Variants in EXT1 observed in about 807,000 individuals in gnomAD.
EXT1 encodes exostosin glycosyltransferase 1, also known as exostosin-1.
A neutral mutation model predicts 82.5 loss-of-function variants in EXT1; 20 were observed. That is an observed-to-expected ratio of 0.24 (90% confidence interval 0.17 to 0.35). EXT1 has a LOEUF of 0.35. EXT1 is among the 10% of genes least tolerant of loss of function. The pLI is 1.00. For synonymous variants in EXT1, 348 were observed against 350.8 expected (o/e 0.99, Z 0.09); for missense variants, 757 against 936.5 (o/e 0.81, Z 2.50).
intron 1 of EXT1, among the ~76,000 whole-genome samples, chr8:118,018,969 ATGAG>A (rs1816051152): frequency 6.6e-6 from 1 of 152,052 alleles, no homozygotes; most frequent in South Asian, 2.1e-4. Context: ...ACTCCTCTGA[ATGAG>A]TGTGTTTTAT....
chr8:118,075,895 A>C (rs1008654211), intron 1 of EXT1, among the ~76,000 whole-genome samples: 2 of 152,116 alleles, frequency 1.3e-5, no homozygotes, highest in East Asian at 3.9e-4. Flanking sequence ...ATCAGTCCAC[A>C]TGACCCAAAC....
intron 1 of EXT1, among the ~76,000 whole-genome samples, chr8:117,985,979 T>A (rs757965460): frequency 6.6e-6 from 1 of 152,226 alleles, no homozygotes; most frequent in Non-Finnish European, 1.5e-5. Context: ...TCACTGATTT[T>A]GGACTGGAGA....
chr8:117,872,577 T>C (rs1410612460), intron 1 of EXT1, among the ~76,000 whole-genome samples: 1 of 152,184 alleles, frequency 6.6e-6, no homozygotes, highest in Non-Finnish European at 1.5e-5. Context: ...GGAATGTGGA[T>C]TTTAATATGT....
chr8:118,055,688 T>C (rs1321241885), intron 1 of EXT1, among the ~76,000 whole-genome samples: 1 of 152,212 alleles, frequency 6.6e-6, no homozygotes, highest in East Asian at 1.9e-4. Flanking sequence ...TCCTTATGTA[T>C]AAAATCAATA....
intron 1 of EXT1, among the ~76,000 whole-genome samples, chr8:117,912,908 T>C (rs1429099534): frequency 2.0e-5 from 3 of 152,160 alleles, no homozygotes; most frequent in Non-Finnish European, 4.4e-5. Flanking sequence ...GTGATAGAGC[T>C]AACAATGGGA....
intron 1 of EXT1, among the ~76,000 whole-genome samples, chr8:118,071,261 CAG>C (rs1817086347): frequency 6.6e-6 from 1 of 152,160 alleles, no homozygotes; most frequent in East Asian, 1.9e-4. Flanking sequence ...TGCCTGGTCT[CAG>C]GGGCCATTTT....
At chr8:117,895,732 A>C (rs7841914) in intron 1 of EXT1, among the ~76,000 whole-genome samples, 80,040 of 152,078 alleles carry the variant, frequency 0.53, 21,503 homozygotes, top group Middle Eastern at 0.65. Flanking sequence ...CCATGTCTGG[A>C]TGTTTTTGCT....
At chr8:118,058,707 TATAGATTAA>T (rs1459813197) in intron 1 of EXT1, among the ~76,000 whole-genome samples, 20 of 152,356 alleles carry the variant, frequency 1.3e-4, no homozygotes, top group Admixed American at 3.9e-4. Context: ...CATAACATGA[TATAGATTAA>T]ATAGATTAGG....
In EXT1 at chr8:117,827,553, G is replaced by A. The variant is rs143859546; in HGVS notation, c.1284+2677C>T. On this transcript the variant is annotated intron_variant, in intron 4 of 10. Coordinates refer to ENST00000378204, the MANE Select transcript of EXT1 (RefSeq NM_000127.3). ...ATTGGGGCTGGGCATGGTGGCTCAT[G>A]CCTGTAATCCCAGCACTTTGGGAGG... 3.7e-3 allele frequency among the ~76,000 whole-genome samples: 557 copies of A among 152,154 alleles called. 1 individual carries two copies. The highest frequency in any genetic ancestry group is 0.012 in the African/African-American group (517 of 41,526).
intron 1 of EXT1, among the ~76,000 whole-genome samples, chr8:118,081,765 G>A (rs1042043514): frequency 9.2e-5 from 14 of 152,272 alleles, no homozygotes; most frequent in South Asian, 2.1e-4. Flanking sequence ...TTGTGCAGTC[G>A]TATTTTCTGC....
chr8:118,082,947 C>T (rs1030820075), intron 1 of EXT1, among the ~76,000 whole-genome samples: 12 of 152,160 alleles, frequency 7.9e-5, no homozygotes, highest in Admixed American at 3.9e-4. Context: ...GTAAGGCCAG[C>T]ACTACTGATT....
intron 1 of EXT1, among the ~76,000 whole-genome samples, chr8:117,897,815 C>A (rs1279115831): frequency 6.6e-6 from 1 of 151,780 alleles, no homozygotes; most frequent in Non-Finnish European, 1.5e-5. Flanking sequence ...GTTGCCCAGG[C>A]TGGTTTTGAA....
chr8:118,030,612 G>C (rs1332006146), intron 1 of EXT1, among the ~76,000 whole-genome samples: 3 of 152,158 alleles, frequency 2.0e-5, no homozygotes. Flanking sequence ...CTCCCGAATA[G>C]CTGGGATTAC....
At chr8:118,032,370 G>A (rs535702828) in intron 1 of EXT1, among the ~76,000 whole-genome samples, 2 of 151,874 alleles carry the variant, frequency 1.3e-5, no homozygotes, top group East Asian at 1.9e-4. Flanking sequence ...AGGGGATTCC[G>A]AGGCATTTGA....
intron 1 of EXT1, among the ~76,000 whole-genome samples, chr8:118,063,859 C>CTTATTTAT (rs58524588): frequency 0.013 from 2,034 of 151,772 alleles, 41 homozygotes; most frequent in African/African-American, 0.046. Flanking sequence ...TATTTATTTA[C>CTTATTTAT]TTATTTATTT....
intron 1 of EXT1, among the ~76,000 whole-genome samples, chr8:117,850,423 G>A (rs930258196): frequency 1.3e-5 from 2 of 152,162 alleles, no homozygotes; most frequent in South Asian, 4.1e-4. Flanking sequence ...ACCCAGCAAC[G>A]GCCAGTCGAC....
intron 1 of EXT1, among the ~76,000 whole-genome samples, chr8:117,916,797 C>T (rs1813762048): frequency 6.6e-6 from 1 of 152,064 alleles, no homozygotes; most frequent in Non-Finnish European, 1.5e-5. Context: ...ATCCCAGCTA[C>T]TCGGGAGACT....
chr8:118,019,092 A>G lies in EXT1; in HGVS notation c.962+90993T>C, dbSNP rs78290228. On this transcript the variant is annotated intron_variant, in intron 1 of 10. Coordinates refer to ENST00000378204, the MANE Select transcript of EXT1 (RefSeq NM_000127.3). ...GTAGCTCTAGAGGCAGAGGAAAAAA[A>G]GAAAAAAAAAAACTTAAAGGAACAG... is the stretch of plus-strand genomic sequence containing the variant. 4.1e-4 allele frequency among the ~76,000 whole-genome samples: 54 copies of G among 133,194 alleles called. No homozygotes were observed. In the East Asian group the frequency reaches 0.01, roughly 26 times the overall value. 87.4% of individuals were successfully genotyped at this position (133,194 alleles called of 152,430 possible). A position where few individuals can be genotyped will look rare whatever the true frequency, so the allele number is the denominator to read the frequency against.
intron 1 of EXT1, among the ~76,000 whole-genome samples, chr8:117,863,112 T>C (rs1240968158): frequency 7.5e-6 from 1 of 133,362 alleles, no homozygotes; most frequent in Non-Finnish European, 1.8e-5. Context: ...CAAAATTATA[T>C]GGTGCTTAAT....
Sources: allele counts gnomAD v4.1 joint callset (sites outside exome capture counted in the v4.1 genomes callset), GRCh38; gene constraint gnomAD v4.1.1; transcripts MANE v1.5; gene names NCBI Gene and HGNC (gene_info 2026-07-23, HGNC 2026-07-21).